YIPF2: variants seen among roughly 807,000 people sequenced by gnomAD.
YIPF2 encodes the protein protein YIPF2.
A neutral mutation model predicts 38.8 loss-of-function variants in YIPF2; 30 were observed. That is an observed-to-expected ratio of 0.77 (90% CI 0.58 to 1.05). The LOEUF (loss-of-function observed/expected upper bound fraction) is 1.05, where lower values mean the gene tolerates loss of function less well. YIPF2 is among the 50% of genes least tolerant of loss of function. The probability of loss-of-function intolerance (pLI) is 0.00; values close to 1 mark genes in which losing one functional copy is unlikely to be tolerated. For synonymous variants in YIPF2, 194 were observed against 183.8 expected, an observed-to-expected ratio of 1.06 and a Z score of -0.45; for missense variants, 401 against 409.7, an observed-to-expected ratio of 0.98 and a Z score of 0.18.
chr19:10,924,896 C>T (rs143839647), intron 5 of YIPF2, among the ~76,000 whole-genome samples: 59 of 152,176 alleles, frequency 3.9e-4, no homozygotes, highest in Non-Finnish European at 7.2e-4. Flanking sequence ...GGCTTCCGCC[C>T]TCGCCACTCA....
intron 5 of YIPF2, among the ~76,000 whole-genome samples, chr19:10,925,253 C>T (rs1354671744): frequency 6.6e-6 from 1 of 151,566 alleles, no homozygotes; most frequent in Non-Finnish European, 1.5e-5. Flanking sequence ...AAAAAGATCT[C>T]TTCTTGCCAC....
At chr19:10,928,473 C>T in intron 1 of YIPF2, 33 bp from the exon 2 acceptor site, 1 of 1,358,500 alleles carries the variant, frequency 7.4e-7, no homozygotes. Flanking sequence ...CACACTTCCC[C>T]CCCGCCCCCG....
At chr19:10,928,261 C>G (rs1771329250) in intron 2 of YIPF2, 119 bp downstream of exon 2, 1 of 1,251,766 alleles carries the variant, frequency 8.0e-7, no homozygotes, top group South Asian at 2.4e-5. Context: ...GGGTCTCACT[C>G]CTGGGTCAGG....
Position 10,923,857 on chromosome 19 carries a change from G to A in YIPF2, c.627C>T (p.Ser209=). The change falls in exon 7 of 10, where the codon TCC becomes TCT. Residue 209 remains serine (S), a synonymous_variant. Transcript: ENST00000586748. ...FLETVCIYGY[S]LFVFIPMVVL... is the part of the protein sequence containing the mutation. ...CCACCATGGGGATGAAGACAAAGAGGGAGTAGCCGTAGATGCACACAGTCT... is the reference window on the plus strand; with the variant it reads ...CCACCATGGGGATGAAGACAAAGAGAGAGTAGCCGTAGATGCACACAGTCT... 1 of 1,613,174 alleles carries A rather than the reference G, an allele frequency of 6.2e-7. No homozygotes were observed. Among genetic ancestry groups the A allele is most frequent in the Non-Finnish European group, 8.5e-7 (1 of 1,179,638 alleles).
At position 10,923,160 on chromosome 19, in the gene YIPF2, C is replaced by T. The variant is rs2074289967; in HGVS notation, c.*34G>A. On this transcript the variant is annotated 3_prime_UTR_variant, in exon 10 of 10. Transcript: ENST00000586748. Reference sequence around the variant, plus strand: ...GGGCAGGACAGGCAGAGGGGTTGGTCCACTTAGGTGTTGCCTGAAAGAAAG... The same window carrying T: ...GGGCAGGACAGGCAGAGGGGTTGGTTCACTTAGGTGTTGCCTGAAAGAAAG... The T allele has an allele frequency of 3.4e-6, 3 of 895,018 alleles. No homozygotes were observed. The highest frequency in any genetic ancestry group is 5.0e-6 in the Non-Finnish European group (3 of 604,122). The allele number at this position is 895,018 out of a possible 1,614,324, so 55.4% of individuals were successfully genotyped here. A position where few individuals can be genotyped will look rare whatever the true frequency, so the allele number is the denominator to read the frequency against.
chr19:10,923,536 C>G lies in YIPF2; in HGVS notation c.793G>C (p.Val265Leu). 1 of 1,612,518 alleles carries G rather than the reference C, an allele frequency of 6.2e-7. No individual in the cohort carries two copies. ...TRLVATVLLSVVVLLHALLAM... is the reference protein window; with the variant it reads ...TRLVATVLLSLVVLLHALLAM... ...AGGAGGGCGTGGAGCAGCACGACCACGGACAGCAGCACTGTGGCCACCAGC... is the reference window on the plus strand; with the variant it reads ...AGGAGGGCGTGGAGCAGCACGACCAGGGACAGCAGCACTGTGGCCACCAGC... Residue 265 changes from valine (V) to leucine (L), a missense_variant, in exon 8 of 10, where the codon GTG becomes CTG. Coordinates refer to ENST00000586748, the MANE Select transcript of YIPF2 (RefSeq NM_001321439.2).
rs2074299025 is a variant in YIPF2 at position 10,923,410 on chromosome 19, GCA to G, written c.835-5_835-4del. On this transcript the variant is annotated splice_region_variant and splice_polypyrimidine_tract_variant and intron_variant, in intron 8 of 9. Transcript: ENST00000586748. ...GGCAGCGACTGGAAGAAGTACAACTGCACAAGACCCCTGGGGTCAGAGGCAGG... is the reference window on the plus strand; with the variant it reads ...GGCAGCGACTGGAAGAAGTACAACTGCAAGACCCCTGGGGTCAGAGGCAGG... The G allele has an allele frequency of 1.9e-6, 3 of 1,613,376 alleles. No individual in the cohort carries two copies.
intron 9 of YIPF2, 32 bp downstream of exon 9, chr19:10,923,240 G>A: frequency 1.3e-6 from 2 of 1,525,374 alleles, no homozygotes; most frequent in Non-Finnish European, 1.8e-6. Flanking sequence ...TGGGAGGGCA[G>A]CCCCCTTAGC....
chr19:10,928,335 C>T, intron 2 of YIPF2, 45 bp downstream of exon 2: 1 of 1,331,294 alleles, frequency 7.5e-7, no homozygotes, highest in Non-Finnish European at 9.7e-7. Context: ...AGGTTCTGGC[C>T]CGGGGCGGGA....
At chr19:10,925,102 C>T (rs766138866) in intron 5 of YIPF2, among the ~76,000 whole-genome samples, 13 of 151,942 alleles carry the variant, frequency 8.6e-5, no homozygotes, top group Non-Finnish European at 1.6e-4. Flanking sequence ...CATGGTGGCA[C>T]GTGCCTGTAA....
At position 10,923,632 on chromosome 19, in the gene YIPF2, C is replaced by T; in HGVS notation, c.697G>A (p.Ala233Thr). The change falls in exon 8 of 10, where the codon GCG becomes ACG. Residue 233 changes from alanine to threonine, a missense_variant. Transcript: ENST00000586748. ...PVPWLQWLFG[A>T]LALGLSAAGL... Reference sequence around the variant, plus strand: ...GCGGCTGACAGGCCCAGGGCCAGCGCCCCAAAGAGCCACTGCAGCCAAGGC... The same window carrying T: ...GCGGCTGACAGGCCCAGGGCCAGCGTCCCAAAGAGCCACTGCAGCCAAGGC... The T allele has an allele frequency of 6.2e-7, 1 of 1,612,512 alleles. No homozygotes were observed.
intron 5 of YIPF2, among the ~76,000 whole-genome samples, chr19:10,925,411 C>A (rs1047617887): frequency 4.3e-4 from 65 of 152,030 alleles, no homozygotes; most frequent in Admixed American, 2.3e-3. Context: ...AGGTCTCCCC[C>A]ACCCCTCCTG....
At chr19:10,925,509 C>A (rs1316405465) in intron 5 of YIPF2, among the ~76,000 whole-genome samples, 177 bp downstream of exon 5, 1 of 152,190 alleles carries the variant, frequency 6.6e-6, no homozygotes, top group Non-Finnish European at 1.5e-5. Flanking sequence ...CTCCTGTCTG[C>A]TCTGCTGCTC....
Position 10,923,616 on chromosome 19 carries a change from AGGCCCAG to A in YIPF2, c.706_712del (p.Leu236CysfsTer113), listed in dbSNP as rs754849817. On this transcript the variant is annotated frameshift_variant, in exon 8 of 10. Transcript: ENST00000586748. LOFTEE classifies it high-confidence loss of function. ...GGTGAATACCAGCCCGGCGGCTGACAGGCCCAGGGCCAGCGCCCCAAAGAGCCACTGC... is the reference window on the plus strand; with the variant it reads ...GGTGAATACCAGCCCGGCGGCTGACAGGCCAGCGCCCCAAAGAGCCACTGC... The A allele has an allele frequency of 1.2e-6, 2 of 1,613,062 alleles. No individual in the cohort carries two copies. Among genetic ancestry groups the A allele is most frequent in the Non-Finnish European group, 1.7e-6 (2 of 1,179,648 alleles).
In YIPF2 at chr19:10,928,450, G is replaced by A; in HGVS notation, c.-30-10C>T. ...GTCTCCGCATCCCTCGCTGAGGACAGAGACCGGTCAGGCACACTTCCCCCC... is the reference window on the plus strand; with the variant it reads ...GTCTCCGCATCCCTCGCTGAGGACAAAGACCGGTCAGGCACACTTCCCCCC... On this transcript the variant is annotated splice_polypyrimidine_tract_variant and intron_variant, in intron 1 of 9. Coordinates refer to ENST00000586748, the MANE Select transcript of YIPF2 (RefSeq NM_001321439.2). The A allele has an allele frequency of 7.4e-7, 1 of 1,358,284 alleles. No homozygotes were observed. The highest frequency in any genetic ancestry group is 1.5e-5 in the African/African-American group (1 of 65,332). The allele number at this position is 1,358,284 out of a possible 1,614,324, so 84.1% of individuals were successfully genotyped here. A position where few individuals can be genotyped will look rare whatever the true frequency, so the allele number is the denominator to read the frequency against.
Position 10,923,325 on chromosome 19 carries a change from G to A in YIPF2, c.917C>T (p.Ser306Phe). Reference sequence around the variant, plus strand: ...GGCCAGGGACTGCGGCAAGGTAGGGGACAGCGCGATGTTTGAGGGCAGAGA... The same window carrying A: ...GGCCAGGGACTGCGGCAAGGTAGGGAACAGCGCGATGTTTGAGGGCAGAGA... ...ITSLPSNIAL[S>F]PTLPQSLAPS The change falls in exon 9 of 10, where the codon TCC becomes TTC. Residue 306 changes from serine to phenylalanine, a missense_variant. Transcript: ENST00000586748. 2 of 1,613,054 alleles carry A rather than the reference G, an allele frequency of 1.2e-6. No homozygotes were observed. The highest frequency in any genetic ancestry group is 1.1e-5 in the South Asian group (1 of 91,072).
At position 10,923,850 on chromosome 19, in the gene YIPF2, C is replaced by A; in HGVS notation, c.634G>T (p.Val212Phe). The change falls in exon 7 of 10, where the codon GTC (valine) becomes TTC (phenylalanine). Residue 212 changes from valine (V) to phenylalanine (F), a missense_variant. Val to Phe is a conservative substitution (Grantham distance 50). Coordinates refer to ENST00000586748, the MANE Select transcript of YIPF2 (RefSeq NM_001321439.2). ...ACACTCACCACCATGGGGATGAAGA[C>A]AAAGAGGGAGTAGCCGTAGATGCAC... ...TVCIYGYSLF[V>F]FIPMVVLWLI... 6.2e-7 allele frequency: 1 copy of A among 1,612,886 alleles called. No individual in the cohort carries two copies. The highest frequency in any genetic ancestry group is 8.5e-7 in the Non-Finnish European group (1 of 1,179,474).
At chr19:10,927,365 C>A (rs1344123857) in intron 4 of YIPF2, among the ~76,000 whole-genome samples, 2 of 152,160 alleles carry the variant, frequency 1.3e-5, no homozygotes, top group Non-Finnish European at 2.9e-5. Context: ...TGCTTCCCTA[C>A]CCTATTCCCC....
chr19:10,926,151 TCCAC>T (rs1408400838), intron 4 of YIPF2, among the ~76,000 whole-genome samples: 2 of 151,788 alleles, frequency 1.3e-5, no homozygotes, highest in Non-Finnish European at 2.9e-5. Flanking sequence ...CCTCAGGTAA[TCCAC>T]CCACCTCGGC....
Sources: gnomAD v4.1 joint callset for allele counts (sites outside exome capture counted in the v4.1 genomes callset) on GRCh38, gnomAD v4.1.1 for gene constraint, MANE v1.5 for transcripts, NCBI Gene and HGNC (gene_info 2026-07-23, HGNC 2026-07-21) for gene names.